The following ZCCHC7 variants were observed in gnomAD, a reference collection of about 807,000 sequenced individuals.
The protein encoded by ZCCHC7 is zinc finger CCHC domain-containing protein 7.
In ZCCHC7, 35 loss-of-function variants were observed where a neutral mutation model predicts 52.0. The observed-to-expected ratio is 0.67, with a 90% CI of 0.51 to 0.89. The LOEUF (loss-of-function observed/expected upper bound fraction) is 0.89. Among genes scored for constraint, ZCCHC7 ranks in the 40% least tolerant of loss-of-function variants. ZCCHC7 has a pLI of 0.00. For synonymous variants in ZCCHC7, 217 were observed against 221.5 expected, an observed-to-expected ratio of 0.98 and a Z score of 0.18; for missense variants, 574 against 649.1, an observed-to-expected ratio of 0.88 and a Z score of 1.26.
chr9:37,318,782 G>A (rs927479710), intron 5 of ZCCHC7, among the ~76,000 whole-genome samples: 3 of 150,980 alleles, frequency 2.0e-5, no homozygotes, highest in South Asian at 2.1e-4. Flanking sequence ...GCGTGGCAGC[G>A]CACACCTATA....
At chr9:37,260,897 C>T (rs1041467704) in intron 2 of ZCCHC7, among the ~76,000 whole-genome samples, 1 of 152,140 alleles carries the variant, frequency 6.6e-6, no homozygotes, top group Non-Finnish European at 1.5e-5. Flanking sequence ...TCAAAATACT[C>T]TTGTTGATTT....
chr9:37,136,849 T>C (rs1032515681), intron 2 of ZCCHC7, among the ~76,000 whole-genome samples: 2 of 152,130 alleles, frequency 1.3e-5, no homozygotes, highest in African/African-American at 4.8e-5. Context: ...ACCCTTGTCT[T>C]GAACTCCTGA....
At chr9:37,293,001 T>TG (rs908410978) in intron 2 of ZCCHC7, among the ~76,000 whole-genome samples, 10 of 152,054 alleles carry the variant, frequency 6.6e-5, no homozygotes, top group African/African-American at 2.4e-4. Context: ...GATTGGACAA[T>TG]GGGAGTGAAA....
chr9:37,208,815 T>G (rs1360421593), intron 2 of ZCCHC7, among the ~76,000 whole-genome samples: 4 of 152,174 alleles, frequency 2.6e-5, no homozygotes, highest in Non-Finnish European at 4.4e-5. Flanking sequence ...GAGGTCCTTT[T>G]AACACATAAA....
chr9:37,258,012 A>G (rs577688875), intron 2 of ZCCHC7, among the ~76,000 whole-genome samples: 27 of 152,338 alleles, frequency 1.8e-4, no homozygotes, highest in Admixed American at 6.5e-4. Flanking sequence ...TAGGAACTAT[A>G]CTTTGTATTC....
chr9:37,335,907 T>G (rs2118353753), intron 6 of ZCCHC7, among the ~76,000 whole-genome samples: 1 of 152,312 alleles, frequency 6.6e-6, no homozygotes, highest in East Asian at 1.9e-4. Context: ...TGTGTGAGTC[T>G]TAAGTGATAA....
intron 2 of ZCCHC7, among the ~76,000 whole-genome samples, chr9:37,257,326 G>A (rs1345662422): frequency 1.3e-5 from 2 of 152,194 alleles, no homozygotes; most frequent in African/African-American, 4.8e-5. Flanking sequence ...CAAGTGGAAG[G>A]CAGAGAGGTT....
At chr9:37,217,611 T>C (rs922835696) in intron 2 of ZCCHC7, among the ~76,000 whole-genome samples, 9 of 152,210 alleles carry the variant, frequency 5.9e-5, no homozygotes, top group Non-Finnish European at 1.0e-4. Flanking sequence ...CGTGTGATTA[T>C]TGTTAGAATA....
intron 2 of ZCCHC7, among the ~76,000 whole-genome samples, chr9:37,205,800 G>A (rs1401479801): frequency 6.6e-6 from 1 of 152,118 alleles, no homozygotes; most frequent in Non-Finnish European, 1.5e-5. Flanking sequence ...ACAGGCATCA[G>A]CCACCTTGCC....
At chr9:37,180,577 CTTAT>C (rs1406868519) in intron 2 of ZCCHC7, among the ~76,000 whole-genome samples, 1 of 152,036 alleles carries the variant, frequency 6.6e-6, no homozygotes, top group African/African-American at 2.4e-5. Flanking sequence ...GAACATGCCA[CTTAT>C]TTATAGAGGA....
intron 5 of ZCCHC7, among the ~76,000 whole-genome samples, chr9:37,319,163 T>TA (rs1237229733): frequency 2.4e-5 from 1 of 41,072 alleles, no homozygotes; most frequent in African/African-American, 7.9e-5. Flanking sequence ...TGCACGCACT[T>TA]ATCATCCTTA....
chr9:37,289,821 G>T (rs1476525444), intron 2 of ZCCHC7, among the ~76,000 whole-genome samples: 1 of 152,054 alleles, frequency 6.6e-6, no homozygotes, highest in Non-Finnish European at 1.5e-5. Flanking sequence ...AGCCATACTG[G>T]CCTGTCTCCG....
At chr9:37,307,630 T>C (rs770241315) in intron 5 of ZCCHC7, among the ~76,000 whole-genome samples, 10 of 152,200 alleles carry the variant, frequency 6.6e-5, no homozygotes, top group African/African-American at 1.4e-4. Flanking sequence ...ACACCTATAG[T>C]CTTTTTTCTT....
At chr9:37,273,679 A>G (rs2133523022) in intron 2 of ZCCHC7, among the ~76,000 whole-genome samples, 1 of 152,282 alleles carries the variant, frequency 6.6e-6, no homozygotes, top group South Asian at 2.1e-4. Flanking sequence ...GGTGGTGTTA[A>G]AATTTTGTTT....
At chr9:37,173,670 C>A (rs1018998113) in intron 2 of ZCCHC7, among the ~76,000 whole-genome samples, 2 of 152,060 alleles carry the variant, frequency 1.3e-5, no homozygotes, top group Non-Finnish European at 2.9e-5. Context: ...AAAAACTTTT[C>A]TTTGATCTTT....
intron 2 of ZCCHC7, among the ~76,000 whole-genome samples, chr9:37,132,996 G>A (rs562714697): frequency 6.6e-6 from 1 of 152,152 alleles, no homozygotes; most frequent in South Asian, 2.1e-4. Context: ...AATTAGCCCA[G>A]TGTGGTGGTG....
intron 2 of ZCCHC7, among the ~76,000 whole-genome samples, chr9:37,222,206 A>C (rs1824849207): frequency 6.6e-6 from 1 of 151,898 alleles, no homozygotes; most frequent in Admixed American, 6.6e-5. Context: ...GGAGATTGGC[A>C]TAGAAAATTA....
chr9:37,339,155 G>GT (rs1830815689), intron 6 of ZCCHC7, among the ~76,000 whole-genome samples: 1 of 152,202 alleles, frequency 6.6e-6, no homozygotes, highest in East Asian at 1.9e-4. Flanking sequence ...GGGGAATTCT[G>GT]TTTTTTCACT....
At chr9:37,263,393 T>C (rs972015058) in intron 2 of ZCCHC7, among the ~76,000 whole-genome samples, 1 of 152,150 alleles carries the variant, frequency 6.6e-6, no homozygotes, top group African/African-American at 2.4e-5. Flanking sequence ...AAAAAACCTG[T>C]GGTTTTTATC....
Sources: allele counts gnomAD v4.1 joint callset (sites outside exome capture counted in the v4.1 genomes callset), GRCh38; gene constraint gnomAD v4.1.1; transcripts MANE v1.5; gene names NCBI Gene and HGNC (gene_info 2026-07-23, HGNC 2026-07-21).